Variants in SETBP1 observed in about 807,000 individuals in gnomAD.
SETBP1 encodes the protein SET binding protein 1, also known as SET-binding protein.
Under a neutral mutation model 101.0 loss-of-function variants are expected in SETBP1, and 9 were observed. That is an observed-to-expected ratio of 0.09 (90% CI 0.05 to 0.16). The LOEUF (loss-of-function observed/expected upper bound fraction) is 0.16, where lower values mean the gene tolerates loss of function less well. Among genes scored for constraint, SETBP1 ranks in the 10% least tolerant of loss-of-function variants. The pLI, the probability that SETBP1 is intolerant of heterozygous loss-of-function variation, is 1.00. For missense variants in SETBP1, 1,858 were observed against 2,033.8 expected (o/e 0.91, Z 1.66); for synonymous variants, 818 against 788.5 (o/e 1.04, Z -0.63).
chr18:45,066,970 G>A lies in SETBP1; in HGVS notation c.*3272G>A, dbSNP rs553601830. On this transcript the variant is annotated 3_prime_UTR_variant, in exon 6 of 6. Coordinates refer to ENST00000649279, the MANE Select transcript of SETBP1 (RefSeq NM_015559.3). ...CCACCCCTCATCTCAAATGAGAGGA[G>A]CAGAAGTTTAACTTCCTCAAATAGC... 3.2e-4 allele frequency: 48 copies of A among 152,262 alleles called. No individual in the cohort carries two copies. Among genetic ancestry groups the A allele is most frequent in the African/African-American group, 1.1e-3 (45 of 41,542 alleles). The allele number at this position is 152,262 out of a possible 1,614,324, so 9.4% of individuals were successfully genotyped here. A position where few individuals can be genotyped will look rare whatever the true frequency, so the allele number is the denominator to read the frequency against.
chr18:45,007,961 G>A (rs1386515404), intron 4 of SETBP1, among the ~76,000 whole-genome samples: 1 of 152,170 alleles, frequency 6.6e-6, no homozygotes, highest in African/African-American at 2.4e-5. Flanking sequence ...TGCCTCCAGA[G>A]CTTCCTGAGG....
At chr18:45,003,561 C>T (rs1188114698) in intron 4 of SETBP1, among the ~76,000 whole-genome samples, 1 of 152,116 alleles carries the variant, frequency 6.6e-6, no homozygotes, top group East Asian at 1.9e-4. Flanking sequence ...GCACTTCCCA[C>T]TGTAAACATG....
intron 2 of SETBP1, among the ~76,000 whole-genome samples, chr18:44,807,627 T>C (rs2071776376): frequency 6.6e-6 from 1 of 152,242 alleles, no homozygotes; most frequent in Admixed American, 6.5e-5. Flanking sequence ...ATTTATTTGC[T>C]GAAGTCCATT....
At chr18:44,806,135 C>G (rs1424696223) in intron 2 of SETBP1, among the ~76,000 whole-genome samples, 1 of 152,072 alleles carries the variant, frequency 6.6e-6, no homozygotes, top group Non-Finnish European at 1.5e-5. Context: ...GAAGGAAATG[C>G]CACTTTAGGA....
intron 3 of SETBP1, among the ~76,000 whole-genome samples, chr18:44,904,427 AG>A (rs1459357250): frequency 1.3e-5 from 2 of 152,200 alleles, no homozygotes; most frequent in Non-Finnish European, 2.9e-5. Context: ...AGTATAATGC[AG>A]TGGATTTAAA....
At chr18:44,946,027 G>A (rs1414127517) in intron 3 of SETBP1, among the ~76,000 whole-genome samples, 2 of 152,220 alleles carry the variant, frequency 1.3e-5, no homozygotes, top group African/African-American at 4.8e-5. Context: ...ATATGTCATG[G>A]CTGACAGATG....
chr18:44,840,590 T>G (rs2144521706), intron 2 of SETBP1, among the ~76,000 whole-genome samples: 1 of 152,350 alleles, frequency 6.6e-6, no homozygotes, highest in East Asian at 1.9e-4. Flanking sequence ...TTTCACCAGC[T>G]GGAGTAAAGA....
chr18:44,874,770 C>T (rs965467878), intron 3 of SETBP1, among the ~76,000 whole-genome samples: 14 of 152,108 alleles, frequency 9.2e-5, no homozygotes, highest in Non-Finnish European at 1.8e-4. Flanking sequence ...ACTCAGAGAT[C>T]ATCAGAGGAC....
intron 3 of SETBP1, among the ~76,000 whole-genome samples, chr18:44,946,248 C>T (rs1360341390): frequency 6.6e-6 from 1 of 152,164 alleles, no homozygotes. Context: ...TGAGCAGTCC[C>T]AGCAGGGCAG....
At chr18:45,059,416 C>A (rs2073857087) in intron 5 of SETBP1, among the ~76,000 whole-genome samples, 1 of 152,136 alleles carries the variant, frequency 6.6e-6, no homozygotes, top group Non-Finnish European at 1.5e-5. Flanking sequence ...TTCATGATCT[C>A]TTTTAACAGT....
intron 2 of SETBP1, among the ~76,000 whole-genome samples, chr18:44,807,264 A>G (rs2071765817): frequency 6.6e-6 from 1 of 152,138 alleles, no homozygotes; most frequent in South Asian, 2.1e-4. Flanking sequence ...TGCACTGTAG[A>G]TCTAAAGTTT....
intron 2 of SETBP1, among the ~76,000 whole-genome samples, chr18:44,866,481 C>T (rs1357358016): frequency 7.2e-5 from 11 of 152,190 alleles, no homozygotes; most frequent in African/African-American, 2.4e-4. Flanking sequence ...CTTCTCAACA[C>T]ATTGAGATAT....
intron 2 of SETBP1, among the ~76,000 whole-genome samples, chr18:44,712,384 T>C (rs2144277174): frequency 6.6e-6 from 1 of 152,330 alleles, no homozygotes; most frequent in East Asian, 1.9e-4. Context: ...GTGGACAGCC[T>C]TTTATGCCAG....
At chr18:44,826,735 T>C (rs2072248154) in intron 2 of SETBP1, among the ~76,000 whole-genome samples, 1 of 152,026 alleles carries the variant, frequency 6.6e-6, no homozygotes, top group Non-Finnish European at 1.5e-5. Flanking sequence ...AAAGAATGAA[T>C]TGGGAGAGGG....
At position 44,868,713 on chromosome 18, in the gene SETBP1, A is replaced by C. The variant is rs2069193626; in HGVS notation, c.487-517A>C. On this transcript the variant is annotated intron_variant, in intron 2 of 5. Coordinates refer to ENST00000649279, the MANE Select transcript of SETBP1 (RefSeq NM_015559.3). The stretch of plus-strand genomic sequence containing the variant: ...GAGAGAGAGAGGACGGAAGGAAGGG[A>C]GGAAGGAAGGAAGGAAGGAAGGAAG... Among the ~76,000 whole-genome samples, 20 of 3,110 alleles carry C rather than the reference A, an allele frequency of 6.4e-3. 1 individual carries two copies. Among genetic ancestry groups the C allele is most frequent in the African/African-American group, 0.013 (19 of 1,422 alleles). 2.0% of individuals were successfully genotyped at this position (3,110 alleles called of 152,430 possible).
At chr18:44,816,004 A>G (rs1478729026) in intron 2 of SETBP1, among the ~76,000 whole-genome samples, 3 of 152,208 alleles carry the variant, frequency 2.0e-5, no homozygotes, top group Non-Finnish European at 4.4e-5. Context: ...TTTGCTGAAC[A>G]ATAGTGATTT....
chr18:44,848,822 A>G (rs1351136147), intron 2 of SETBP1, among the ~76,000 whole-genome samples: 1 of 152,114 alleles, frequency 6.6e-6, no homozygotes, highest in Non-Finnish European at 1.5e-5. Flanking sequence ...AGAGAATTAC[A>G]TTTCTCCAAG....
chr18:44,863,608 A>G (rs2069063860), intron 2 of SETBP1, among the ~76,000 whole-genome samples: 1 of 152,210 alleles, frequency 6.6e-6, no homozygotes, highest in African/African-American at 2.4e-5. Flanking sequence ...AAAAAGATTC[A>G]TTTCCTACAT....
intron 5 of SETBP1, among the ~76,000 whole-genome samples, chr18:45,040,674 C>T (rs1236412921): frequency 6.6e-6 from 1 of 152,230 alleles, no homozygotes; most frequent in Non-Finnish European, 1.5e-5. Flanking sequence ...TTATATGGGC[C>T]TGCCTCCTCT....
Sources: gnomAD v4.1 joint callset for allele counts (sites outside exome capture counted in the v4.1 genomes callset) on GRCh38, gnomAD v4.1.1 for gene constraint, MANE v1.5 for transcripts, NCBI Gene and HGNC (gene_info 2026-07-23, HGNC 2026-07-21) for gene names.